The following LRP1B variants were observed in gnomAD, a reference collection of about 807,000 sequenced individuals.
LRP1B encodes the protein low-density lipoprotein receptor-related protein 1B.
A neutral mutation model predicts 556.6 loss-of-function variants in LRP1B; 217 were observed. The observed-to-expected ratio is 0.39, with a 90% CI of 0.35 to 0.44. The LOEUF (loss-of-function observed/expected upper bound fraction) is 0.44. Among genes scored for constraint, LRP1B ranks in the 20% least tolerant of loss-of-function variants. LRP1B has a pLI of 1.00. For missense variants in LRP1B, 5,053 were observed against 5,620.8 expected (o/e 0.90, Z 3.23); for synonymous variants, 2,047 against 1,865.8 (o/e 1.10, Z -2.50).
chr2:141,320,820 T>C (rs1054004730), intron 3 of LRP1B, among the ~76,000 whole-genome samples: 1 of 152,072 alleles, frequency 6.6e-6, no homozygotes, highest in Admixed American at 6.6e-5. Flanking sequence ...CACTCCTTCA[T>C]TGTGTATTAT....
intron 60 of LRP1B, among the ~76,000 whole-genome samples, chr2:140,470,417 G>A (rs1357527571): frequency 6.6e-6 from 1 of 152,032 alleles, no homozygotes; most frequent in Non-Finnish European, 1.5e-5. Context: ...GCCTAGGCGG[G>A]CGAAAATCAA....
intron 21 of LRP1B, among the ~76,000 whole-genome samples, chr2:140,918,187 TG>T (rs1246377210): frequency 1.2e-3 from 10 of 8,350 alleles, no homozygotes; most frequent in Admixed American, 3.0e-3. Flanking sequence ...ATTTCTATTT[TG>T]TGTGTGTGTG....
chr2:141,525,012 T>C (rs2105180832), intron 2 of LRP1B, among the ~76,000 whole-genome samples: 1 of 152,276 alleles, frequency 6.6e-6, no homozygotes, highest in Middle Eastern at 3.4e-3. Flanking sequence ...CTGAAACACC[T>C]TCTTGCTTTT....
rs541105644 is a variant in LRP1B, at chr2:140,263,071, A to T, written c.13247+7171T>A. Among the ~76,000 whole-genome samples the T allele has an allele frequency of 2.0e-5, 3 of 152,154 alleles. No individual in the cohort carries two copies. In the South Asian group the frequency reaches 6.2e-4, roughly 32 times the overall value. On this transcript the variant is annotated intron_variant, in intron 86 of 90. Transcript: ENST00000389484. ...CCCAAGTAGCTAGAACCACAGGCGC[A>T]CACCACCATGCCTGGTTAATTTTGG...
intron 3 of LRP1B, among the ~76,000 whole-genome samples, chr2:141,341,722 A>C (rs1043684294): frequency 6.6e-6 from 1 of 152,118 alleles, no homozygotes; most frequent in Non-Finnish European, 1.5e-5. Context: ...TTGCCACAAA[A>C]ACCATTCATG....
chr2:141,726,028 T>G (rs540963682), intron 2 of LRP1B, among the ~76,000 whole-genome samples: 64 of 151,816 alleles, frequency 4.2e-4, no homozygotes, highest in Admixed American at 1.5e-3. Context: ...GGATTAAGAT[T>G]CCTTTAAAAT....
intron 7 of LRP1B, among the ~76,000 whole-genome samples, chr2:141,173,869 A>G (rs1174194410): frequency 6.6e-6 from 1 of 152,020 alleles, no homozygotes; most frequent in East Asian, 1.9e-4. Context: ...CTTACCTCTT[A>G]AGCCAGTTAA....
chr2:141,693,109 G>A (rs559954244), intron 2 of LRP1B, among the ~76,000 whole-genome samples: 1 of 152,200 alleles, frequency 6.6e-6, no homozygotes, highest in East Asian at 1.9e-4. Context: ...GACTAAGCAT[G>A]CATCTTGCTG....
At chr2:141,361,140 T>A (rs1012497470) in intron 3 of LRP1B, among the ~76,000 whole-genome samples, 11 of 152,114 alleles carry the variant, frequency 7.2e-5, no homozygotes, top group South Asian at 2.1e-4. Flanking sequence ...CCAAACTATA[T>A]GAAAGTTTCA....
At chr2:140,621,364 G>A in intron 41 of LRP1B, among the ~76,000 whole-genome samples, 1 of 129,928 alleles carries the variant, frequency 7.7e-6, no homozygotes, top group Non-Finnish European at 1.6e-5. Flanking sequence ...CAGCCTGGGT[G>A]ACAGAGCGAG....
Position 140,536,311 on chromosome 2 carries a change from TAAAAAAAAAAAAAAAA to T in LRP1B, c.7642+254_7642+269del, listed in dbSNP as rs70988404. Among the ~76,000 whole-genome samples the T allele has an allele frequency of 9.7e-3, 600 of 61,916 alleles. 14 individuals carry two copies. Among genetic ancestry groups the T allele is most frequent in the African/African-American group, 0.044 (544 of 12,418 alleles). The allele number at this position is 61,916 out of a possible 152,430, so 40.6% of individuals were successfully genotyped here. A position where few individuals can be genotyped will look rare whatever the true frequency, so the allele number is the denominator to read the frequency against. The stretch of plus-strand genomic sequence containing the variant: ...GCAACACAATGAGACCCCGTCTCTT[TAAAAAAAAAAAAAAAA>T]AAAAAAAAAAAAAAAGGCTATTTTG... On this transcript the variant is annotated intron_variant, in intron 46 of 90. Transcript: ENST00000389484.
At chr2:141,155,933 G>T (rs545208303) in intron 7 of LRP1B, among the ~76,000 whole-genome samples, 15 of 152,158 alleles carry the variant, frequency 9.9e-5, no homozygotes, top group Admixed American at 6.6e-4. Context: ...ACCTTAAGAT[G>T]ATGTCAGGAT....
At chr2:141,401,623 ACT>A (rs1406508340) in intron 3 of LRP1B, among the ~76,000 whole-genome samples, 1 of 152,138 alleles carries the variant, frequency 6.6e-6, no homozygotes, top group Non-Finnish European at 1.5e-5. Context: ...ACCATTTCAC[ACT>A]GTCATCATTA....
At chr2:141,030,828 G>T (rs895086856) in intron 11 of LRP1B, among the ~76,000 whole-genome samples, 10 of 152,088 alleles carry the variant, frequency 6.6e-5, no homozygotes, top group African/African-American at 2.4e-4. Context: ...AAAAGTTAAT[G>T]AATAAAGAGA....
At chr2:141,244,966 G>A (rs1684012973) in intron 5 of LRP1B, among the ~76,000 whole-genome samples, 1 of 152,114 alleles carries the variant, frequency 6.6e-6, no homozygotes, top group Non-Finnish European at 1.5e-5. Flanking sequence ...CTTCCTTGAT[G>A]TAGTAGGACA....
intron 2 of LRP1B, among the ~76,000 whole-genome samples, chr2:141,718,847 C>T (rs745764729): frequency 2.6e-5 from 4 of 151,962 alleles, no homozygotes; most frequent in African/African-American, 4.8e-5. Context: ...TGCCTACCTT[C>T]GTCAGAAGAA....
At chr2:140,922,294 ACACGCACACACG>A (rs1179886598) in intron 21 of LRP1B, among the ~76,000 whole-genome samples, 5 of 146,564 alleles carry the variant, frequency 3.4e-5, no homozygotes, top group African/African-American at 1.3e-4. Flanking sequence ...ACACACACAC[ACACGCACACACG>A]CACACACACG....
intron 1 of LRP1B, among the ~76,000 whole-genome samples, chr2:141,988,169 C>G (rs10184304): frequency 6.6e-6 from 1 of 151,854 alleles, no homozygotes; most frequent in Admixed American, 6.6e-5. Context: ...AATGAAAATA[C>G]TGGTCAAACC....
At chr2:140,804,648 A>ATTTTTTTTTTTTTTTTT (rs1690646115) in intron 32 of LRP1B, among the ~76,000 whole-genome samples, 1 of 103,892 alleles carries the variant, frequency 9.6e-6, no homozygotes. Context: ...GGTAAAAACT[A>ATTTTTTTTTTTTTTTTT]ATTTTTTTTT....
Sources: gnomAD v4.1 joint callset for allele counts (sites outside exome capture counted in the v4.1 genomes callset) on GRCh38, gnomAD v4.1.1 for gene constraint, MANE v1.5 for transcripts, NCBI Gene and HGNC (gene_info 2026-07-23, HGNC 2026-07-21) for gene names.